The following NIBAN1 variants were observed in gnomAD, a reference collection of about 807,000 sequenced individuals.
NIBAN1 encodes protein Niban 1.
A neutral mutation model predicts 75.1 loss-of-function variants in NIBAN1; 81 were observed. The observed-to-expected ratio is 1.08, with a 90% CI of 0.90 to 1.30. The LOEUF is 1.30. NIBAN1 is among the 50% of genes most tolerant of loss of function. The pLI, the probability that NIBAN1 is intolerant of heterozygous loss-of-function variation, is 0.00. For missense variants in NIBAN1, 1,133 were observed against 1,128.1 expected (o/e 1.00, Z -0.06); for synonymous variants, 436 against 424.8 (o/e 1.03, Z -0.32).
chr1:184,870,562 G>A (rs1434899999), intron 5 of NIBAN1, among the ~76,000 whole-genome samples: 3 of 152,096 alleles, frequency 2.0e-5, no homozygotes, highest in Non-Finnish European at 4.4e-5. Flanking sequence ...CCAAGAAGGT[G>A]GCTTTTGAGT....
intron 5 of NIBAN1, among the ~76,000 whole-genome samples, chr1:184,852,584 C>T (rs548999394): frequency 6.6e-6 from 1 of 152,322 alleles, no homozygotes; most frequent in East Asian, 1.9e-4. Context: ...CCTAATCTCT[C>T]ATTTCAAGTG....
chr1:184,830,695 G>A lies in NIBAN1; in HGVS notation c.717+1152C>T, dbSNP rs542482342. Among the ~76,000 whole-genome samples the A allele has an allele frequency of 1.2e-4, 18 of 151,906 alleles. 1 individual carries two copies. In the South Asian group the frequency reaches 2.7e-3, roughly 23 times the overall value. On this transcript the variant is annotated intron_variant, in intron 6 of 13. Coordinates refer to ENST00000367511, the MANE Select transcript of NIBAN1 (RefSeq NM_052966.4). ...CTAGCTCCCAAAAGAGGTACCCTAG[G>A]AGATGTGGAAAAAAAAAATAGTGGG...
intron 1 of NIBAN1, among the ~76,000 whole-genome samples, chr1:184,950,368 T>TC (rs1658331379): frequency 6.6e-6 from 1 of 152,190 alleles, no homozygotes; most frequent in Non-Finnish European, 1.5e-5. Flanking sequence ...TATAATTTAT[T>TC]CCCCAATGTA....
intron 1 of NIBAN1, among the ~76,000 whole-genome samples, chr1:184,947,270 A>C (rs1658251538): frequency 6.6e-6 from 1 of 152,128 alleles, no homozygotes; most frequent in Admixed American, 6.5e-5. Context: ...TGCTGTAGTA[A>C]AAAGGGGTTT....
rs1355545505 is a variant in NIBAN1, at chr1:184,795,864, A to G, written c.1900T>C (p.Leu634=). Residue 634 remains leucine (L), a synonymous_variant, in exon 14 of 14, where the codon TTG becomes CTG. Transcript: ENST00000367511. ...EEKQPEVPSS[L]AKGESLSLPG... is the part of the protein sequence containing the mutation. ...AGAGAAAGGCTTTCTCCTTTGGCCA[A>G]CGAGCTAGGGACCTCAGGCTGCTTC... The G allele has an allele frequency of 1.9e-6, 3 of 1,611,992 alleles. No individual in the cohort carries two copies. Among genetic ancestry groups the G allele is most frequent in the South Asian group, 2.2e-5 (2 of 90,830 alleles).
At chr1:184,921,128 C>CAAAAA (rs59270543) in intron 1 of NIBAN1, among the ~76,000 whole-genome samples, 1 of 108,780 alleles carries the variant, frequency 9.2e-6, no homozygotes, top group Non-Finnish European at 1.9e-5. Flanking sequence ...GGCTCTGTCT[C>CAAAAA]AAAAAAAAAA....
At chr1:184,935,785 T>G (rs1029293860) in intron 1 of NIBAN1, among the ~76,000 whole-genome samples, 5 of 124,102 alleles carry the variant, frequency 4.0e-5, no homozygotes, top group Non-Finnish European at 9.5e-5. Flanking sequence ...AAGTCAAGAG[T>G]TAGGGTTTTT....
chr1:184,967,264 G>T (rs1658817198), intron 1 of NIBAN1, among the ~76,000 whole-genome samples: 1 of 149,696 alleles, frequency 6.7e-6, no homozygotes, highest in Non-Finnish European at 1.5e-5. Flanking sequence ...TGTTAGTTTT[G>T]AACTGTTGGG....
chr1:184,944,939 G>A (rs1298218612), intron 1 of NIBAN1, among the ~76,000 whole-genome samples: 1 of 152,176 alleles, frequency 6.6e-6, no homozygotes, highest in African/African-American at 2.4e-5. Flanking sequence ...GAAAATCCAT[G>A]CACCTAGATG....
chr1:184,829,676 C>A (rs1280682021), intron 6 of NIBAN1, among the ~76,000 whole-genome samples: 11 of 151,922 alleles, frequency 7.2e-5, no homozygotes, highest in Admixed American at 7.2e-4. Flanking sequence ...CTGTGTTGGC[C>A]AGGCTGGTCT....
intron 1 of NIBAN1, among the ~76,000 whole-genome samples, chr1:184,966,664 G>C (rs1291880421): frequency 6.6e-6 from 1 of 152,152 alleles, no homozygotes; most frequent in Non-Finnish European, 1.5e-5. Flanking sequence ...TCTATGTCTT[G>C]ACCTGCGTAG....
intron 5 of NIBAN1, among the ~76,000 whole-genome samples, chr1:184,877,881 C>T (rs1202119667): frequency 6.6e-6 from 1 of 151,616 alleles, no homozygotes; most frequent in African/African-American, 2.4e-5. Flanking sequence ...ATTTTGGAAT[C>T]TACCCAATCT....
chr1:184,795,870 T>A lies in NIBAN1; in HGVS notation c.1894A>T (p.Ser632Cys). ...AGGCTTTCTCCTTTGGCCAACGAGC[T>A]AGGGACCTCAGGCTGCTTCTCTTCC... ...SEEEKQPEVP[S>C]SLAKGESLSL... The change falls in exon 14 of 14, where the codon AGC becomes TGC. Residue 632 changes from serine to cysteine, a missense_variant. Physicochemically the swap from Ser to Cys is moderately radical, Grantham distance 112. Coordinates refer to ENST00000367511, the MANE Select transcript of NIBAN1 (RefSeq NM_052966.4). 6.2e-7 allele frequency: 1 copy of A among 1,612,744 alleles called. No individual in the cohort carries two copies.
chr1:184,947,441 G>A (rs532438490), intron 1 of NIBAN1, among the ~76,000 whole-genome samples: 1 of 152,314 alleles, frequency 6.6e-6, no homozygotes, highest in African/African-American at 2.4e-5. Context: ...TGGCGATGAT[G>A]AAAACATTTT....
At chr1:184,917,368 A>ATTTTTTT (rs1168037153) in intron 1 of NIBAN1, among the ~76,000 whole-genome samples, 9 of 89,116 alleles carry the variant, frequency 1.0e-4, no homozygotes, top group African/African-American at 4.0e-4. Flanking sequence ...CGCCCGGCTA[A>ATTTTTTT]TTTTTTTTTT....
chr1:184,917,735 CATTA>C (rs1657431662), intron 1 of NIBAN1, among the ~76,000 whole-genome samples: 1 of 152,132 alleles, frequency 6.6e-6, no homozygotes, highest in Non-Finnish European at 1.5e-5. Context: ...AAACTCACTA[CATTA>C]ATTATCTCCT....
Position 184,931,000 on chromosome 1 carries a change from T to C in NIBAN1, c.56-31691A>G, listed in dbSNP as rs75967394. Among the ~76,000 whole-genome samples the C allele has an allele frequency of 1.7e-4, 22 of 126,894 alleles. 1 individual carries two copies. The highest frequency in any genetic ancestry group is 2.2e-4 in the Non-Finnish European group (14 of 64,086). 83.2% of individuals were successfully genotyped at this position (126,894 alleles called of 152,430 possible). A position where few individuals can be genotyped will look rare whatever the true frequency, so the allele number is the denominator to read the frequency against. On this transcript the variant is annotated intron_variant, in intron 1 of 13. Coordinates refer to ENST00000367511, the MANE Select transcript of NIBAN1 (RefSeq NM_052966.4). ...TCTAAGTGCACTTTTTCTTCTTCTT[T>C]TTTTTTTTTTTTTTTTTGAGACTGA...
chr1:184,895,628 T>C (rs898865501), intron 2 of NIBAN1, among the ~76,000 whole-genome samples: 1 of 152,180 alleles, frequency 6.6e-6, no homozygotes, highest in Non-Finnish European at 1.5e-5. Flanking sequence ...CGTGTAACGG[T>C]GGGGACTGGG....
Position 184,944,049 on chromosome 1 carries a change from G to A in NIBAN1, c.55+30253C>T, listed in dbSNP as rs111403968. Among the ~76,000 whole-genome samples the A allele has an allele frequency of 9.7e-3, 1,477 of 152,272 alleles. 19 individuals are homozygous for A. The highest frequency in any genetic ancestry group is 0.021 in the South Asian group (99 of 4,826). On this transcript the variant is annotated intron_variant, in intron 1 of 13. Coordinates refer to ENST00000367511, the MANE Select transcript of NIBAN1 (RefSeq NM_052966.4). ...CAGCTATACAATTACCTCTACGGAC[G>A]TTGCTGATTGCTGTCTTTGTGTACA...
Sources: gnomAD v4.1 joint callset for allele counts (sites outside exome capture counted in the v4.1 genomes callset) on GRCh38, gnomAD v4.1.1 for gene constraint, MANE v1.5 for transcripts, NCBI Gene and HGNC (gene_info 2026-07-23, HGNC 2026-07-21) for gene names.